The following LIPC variants were observed in gnomAD, a reference collection of about 807,000 sequenced individuals.
LIPC encodes the protein lipase C, hepatic type, also known as hepatic triacylglycerol lipase.
LIPC carries 44 observed loss-of-function variants against 50.7 expected under a neutral mutation model. The observed-to-expected ratio is 0.87, with a 90% CI of 0.68 to 1.11. LIPC has a LOEUF of 1.11. Among genes scored for constraint, LIPC ranks in the 50% most tolerant of loss-of-function variants. The pLI is 0.00. For synonymous variants in LIPC, 271 were observed against 256.4 expected, an observed-to-expected ratio of 1.06 and a Z score of -0.54; for missense variants, 697 against 648.2, an observed-to-expected ratio of 1.08 and a Z score of -0.82.
At position 58,432,231 on chromosome 15, in the gene LIPC, G is replaced by A. The variant is rs113689788; in HGVS notation, c.88+111G>A. The A allele has an allele frequency of 1.8e-3, 1,527 of 829,000 alleles. 8 individuals are homozygous for A. In the African/African-American group the frequency reaches 0.022, roughly 12 times the overall value. The allele number at this position is 829,000 out of a possible 1,614,324, so 51.4% of individuals were successfully genotyped here. On this transcript the variant is annotated intron_variant, in intron 1 of 8. Coordinates refer to ENST00000299022, the MANE Select transcript of LIPC (RefSeq NM_000236.3). ...TATGGGACAGAGCTTGCTTCAGAGC[G>A]TGCCAGGTGGTTCTATACACGACCT...
chr15:58,502,245 C>T (rs1231944711), intron 1 of LIPC, among the ~76,000 whole-genome samples: 1 of 152,160 alleles, frequency 6.6e-6, no homozygotes, highest in African/African-American at 2.4e-5. Flanking sequence ...CCCTTTCTTT[C>T]CTTCCACACA....
chr15:58,462,784 T>A (rs7174539), intron 1 of LIPC, among the ~76,000 whole-genome samples: 21,340 of 152,098 alleles, frequency 0.14, 1,516 homozygotes, highest in Non-Finnish European at 0.17. Flanking sequence ...GGCAATCCTA[T>A]AAGGAACCCA....
At chr15:58,445,605 C>T (rs921232868) in intron 1 of LIPC, among the ~76,000 whole-genome samples, 2 of 152,128 alleles carry the variant, frequency 1.3e-5, no homozygotes, top group Admixed American at 6.5e-5. Context: ...CCTGGCACAG[C>T]GGAAATAAAC....
Position 58,568,953 on chromosome 15 carries a change from G to C in LIPC, c.*126G>C, listed in dbSNP as rs561460705. 2 of 608,652 alleles carry C rather than the reference G, an allele frequency of 3.3e-6. No homozygotes were observed. The highest frequency in any genetic ancestry group is 5.7e-6 in the Non-Finnish European group (2 of 351,000). The allele number at this position is 608,652 out of a possible 1,614,324, so 37.7% of individuals were successfully genotyped here. On this transcript the variant is annotated 3_prime_UTR_variant, in exon 9 of 9. Coordinates refer to ENST00000299022, the MANE Select transcript of LIPC (RefSeq NM_000236.3). ...AAGCTTAAATAAAGTTTAGATTTAA[G>C]GGGGGTATGTTTCACTCTCATAAAC... is the stretch of plus-strand genomic sequence containing the variant.
At chr15:58,460,727 G>A (rs558397516) in intron 1 of LIPC, among the ~76,000 whole-genome samples, 2 of 152,310 alleles carry the variant, frequency 1.3e-5, no homozygotes, top group South Asian at 4.1e-4. Flanking sequence ...GTTTTCCAGG[G>A]AGAGTTTAGA....
intron 1 of LIPC, among the ~76,000 whole-genome samples, chr15:58,480,539 C>A (rs192474694): frequency 6.6e-6 from 1 of 152,242 alleles, no homozygotes; most frequent in East Asian, 1.9e-4. Context: ...AAGTGATCCG[C>A]CCCCACCTTG....
chr15:58,557,546 C>T (rs868291283), intron 6 of LIPC, among the ~76,000 whole-genome samples: 7 of 151,776 alleles, frequency 4.6e-5, no homozygotes, highest in Non-Finnish European at 1.5e-5. Context: ...CACCACGCCC[C>T]GCTAATTTTT....
chr15:58,467,029 T>C (rs961501402), intron 1 of LIPC, among the ~76,000 whole-genome samples: 3 of 152,204 alleles, frequency 2.0e-5, no homozygotes, highest in Non-Finnish European at 2.9e-5. Flanking sequence ...TTCCTACTTA[T>C]ATATAATAGT....
chr15:58,458,712 CA>C (rs1441342372), intron 1 of LIPC, among the ~76,000 whole-genome samples: 3 of 152,200 alleles, frequency 2.0e-5, no homozygotes, highest in Non-Finnish European at 4.4e-5. Flanking sequence ...CAGCCCTTGC[CA>C]GCAGAATCTG....
chr15:58,497,660 T>G (rs1470038061), intron 1 of LIPC: 23 of 152,458 alleles, frequency 1.5e-4, no homozygotes. Context: ...ATGATATGCC[T>G]TTCCCAGGCT....
chr15:58,491,740 C>G (rs1159414334), intron 1 of LIPC, among the ~76,000 whole-genome samples: 3 of 152,240 alleles, frequency 2.0e-5, no homozygotes, highest in African/African-American at 7.2e-5. Flanking sequence ...TAGTGGGAAA[C>G]TGCCATTGCC....
At chr15:58,553,219 C>T (rs72743033) in intron 6 of LIPC, among the ~76,000 whole-genome samples, 5 of 152,238 alleles carry the variant, frequency 3.3e-5, no homozygotes, top group Non-Finnish European at 7.4e-5. Flanking sequence ...GGCAACAGGA[C>T]GCCAGTCAGC....
In LIPC at chr15:58,541,809, A is replaced by G. The variant is rs1893337299; in HGVS notation, c.298A>G (p.Ile100Val). ...WSVDGVLENWIWQMVAALKSQ... is the reference protein window; with the variant it reads ...WSVDGVLENWVWQMVAALKSQ... ...GGTGGACGGCGTGCTAGAAAACTGG[A>G]TCTGGCAGATGGTGGCCGCGCTGAA... Residue 100 changes from isoleucine (I) to valine (V), a missense_variant, in exon 3 of 9, where the codon ATC (isoleucine) becomes GTC (valine). Physicochemically the swap from Ile to Val is conservative, Grantham distance 29 (BLOSUM62 3). Coordinates refer to ENST00000299022, the MANE Select transcript of LIPC (RefSeq NM_000236.3). 1 of 1,613,694 alleles carries G rather than the reference A, an allele frequency of 6.2e-7. No individual in the cohort carries two copies. Among genetic ancestry groups the G allele is most frequent in the Non-Finnish European group, 8.5e-7 (1 of 1,179,968 alleles).
intron 5 of LIPC, among the ~76,000 whole-genome samples, chr15:58,546,554 T>C (rs1433314163): frequency 2.6e-5 from 4 of 152,214 alleles, no homozygotes; most frequent in Non-Finnish European, 5.9e-5. Context: ...TGGGTTGTGA[T>C]CCCACTTCTC....
chr15:58,474,756 G>A (rs1890934096), intron 1 of LIPC, among the ~76,000 whole-genome samples: 1 of 152,132 alleles, frequency 6.6e-6, no homozygotes, highest in South Asian at 2.1e-4. Flanking sequence ...AGCATCCTCA[G>A]AGACCTCAGC....
intron 1 of LIPC, among the ~76,000 whole-genome samples, chr15:58,462,456 T>C (rs1373299905): frequency 4.6e-5 from 7 of 152,220 alleles, no homozygotes; most frequent in African/African-American, 1.7e-4. Context: ...TTTGAAGAGT[T>C]GGTACCACTG....
chr15:58,493,969 G>C (rs1027827292), intron 1 of LIPC, among the ~76,000 whole-genome samples: 2 of 152,282 alleles, frequency 1.3e-5, no homozygotes, highest in East Asian at 1.9e-4. Flanking sequence ...TTTAAGAAAT[G>C]AGAGTAGGGG....
At chr15:58,538,671 C>T (rs1342832331) in intron 2 of LIPC, among the ~76,000 whole-genome samples, 154 bp downstream of exon 2, 2 of 152,212 alleles carry the variant, frequency 1.3e-5, no homozygotes, top group Non-Finnish European at 2.9e-5. Flanking sequence ...AGTGCTTCCC[C>T]ACGCATTAGC....
chr15:58,442,188 T>G (rs1203340081), intron 1 of LIPC, among the ~76,000 whole-genome samples: 1 of 152,224 alleles, frequency 6.6e-6, no homozygotes. Flanking sequence ...TGAATGGGAC[T>G]GATTAGAATG....
Sources: allele counts gnomAD v4.1 joint callset (sites outside exome capture counted in the v4.1 genomes callset), GRCh38; gene constraint gnomAD v4.1.1; transcripts MANE v1.5; gene names NCBI Gene and HGNC (gene_info 2026-07-23, HGNC 2026-07-21).